GPC5: variants seen among roughly 807,000 people sequenced by gnomAD.
GPC5 encodes the protein glypican-5.
A neutral mutation model predicts 53.9 loss-of-function variants in GPC5; 47 were observed. That is an observed-to-expected ratio of 0.87 (90% confidence interval 0.69 to 1.11). GPC5 has a LOEUF of 1.11. GPC5 is among the 50% of genes most tolerant of loss of function. The pLI is 0.00. For missense variants in GPC5, 748 were observed against 713.1 expected (o/e 1.05, Z -0.56); for synonymous variants, 286 against 263.3 (o/e 1.09, Z -0.84).
chr13:92,100,944 A>C (rs1485776755), intron 6 of GPC5, among the ~76,000 whole-genome samples: 1 of 152,218 alleles, frequency 6.6e-6, no homozygotes. Context: ...CAAAATGCAA[A>C]GTGAATGTTA....
At chr13:92,774,028 A>G (rs947697740) in intron 7 of GPC5, among the ~76,000 whole-genome samples, 4 of 152,312 alleles carry the variant, frequency 2.6e-5, no homozygotes, top group Admixed American at 6.5e-5. Flanking sequence ...CTATCACAAG[A>G]ACAGCACAAG....
At chr13:92,303,629 A>C (rs34037601) in intron 7 of GPC5, among the ~76,000 whole-genome samples, 1,541 of 152,306 alleles carry the variant, frequency 0.01, 27 homozygotes, top group Middle Eastern at 0.048. Flanking sequence ...GCTATCAAGG[A>C]TTCAGTACTG....
chr13:91,866,927 G>C (rs1003643699), intron 5 of GPC5, among the ~76,000 whole-genome samples: 7 of 152,064 alleles, frequency 4.6e-5, no homozygotes, highest in African/African-American at 1.7e-4. Flanking sequence ...ATCATCATTG[G>C]CTGGATGTGG....
At chr13:92,468,977 T>C (rs891182957) in intron 7 of GPC5, among the ~76,000 whole-genome samples, 8 of 152,170 alleles carry the variant, frequency 5.3e-5, no homozygotes, top group Non-Finnish European at 7.3e-5. Flanking sequence ...CATGGCGTCC[T>C]ATTCCTATCG....
intron 4 of GPC5, among the ~76,000 whole-genome samples, chr13:91,737,696 G>A (rs983670889): frequency 6.6e-6 from 1 of 151,340 alleles, no homozygotes; most frequent in African/African-American, 2.5e-5. Context: ...TTAAAATTAT[G>A]TTAGAGATAT....
chr13:92,729,328 C>A (rs1888736012), intron 7 of GPC5, among the ~76,000 whole-genome samples: 1 of 151,322 alleles, frequency 6.6e-6, no homozygotes, highest in African/African-American at 2.4e-5. Flanking sequence ...TAGCCACTAA[C>A]TACATATGTC....
intron 7 of GPC5, among the ~76,000 whole-genome samples, chr13:92,249,385 T>A (rs924285887): frequency 6.6e-6 from 1 of 151,850 alleles, no homozygotes; most frequent in Non-Finnish European, 1.5e-5. Context: ...ATAAAAGGAG[T>A]GTGAGTAACA....
intron 7 of GPC5, among the ~76,000 whole-genome samples, chr13:92,315,204 ATTCTCTCTGGGAAG>A (rs1383422622): frequency 1.3e-5 from 2 of 152,182 alleles, no homozygotes; most frequent in Non-Finnish European, 2.9e-5. Context: ...GGAAGTGGAA[ATTCTCTCTGGGAAG>A]TTCTGGAATA....
intron 7 of GPC5, among the ~76,000 whole-genome samples, chr13:92,800,335 T>A (rs550009948): frequency 2.0e-5 from 3 of 151,858 alleles, no homozygotes; most frequent in African/African-American, 7.2e-5. Flanking sequence ...ATGAAGGTCA[T>A]TTTACAAGAA....
chr13:92,028,347 T>C (rs1246463308), intron 6 of GPC5, among the ~76,000 whole-genome samples: 1 of 152,114 alleles, frequency 6.6e-6, no homozygotes, highest in African/African-American at 2.4e-5. Flanking sequence ...ATATGGAGCT[T>C]AGTAATTGGA....
Position 92,516,873 on chromosome 13 carries a change from G to A in GPC5, c.1562-349409G>A, listed in dbSNP as rs137990991. Among the ~76,000 whole-genome samples, 605 of 152,208 alleles carry A rather than the reference G, an allele frequency of 4.0e-3. 7 individuals carry two copies. The highest frequency in any genetic ancestry group is 0.014 in the African/African-American group (589 of 41,560). On this transcript the variant is annotated intron_variant, in intron 7 of 7. Coordinates refer to ENST00000377067, the MANE Select transcript of GPC5 (RefSeq NM_004466.6). ...GCCCACTGAGTGTGAGCCGAAGCAG[G>A]GTGAGGCATCACTTCACCTGGGAAG...
At chr13:92,545,090 C>T (rs1882060541) in intron 7 of GPC5, among the ~76,000 whole-genome samples, 1 of 151,884 alleles carries the variant, frequency 6.6e-6, no homozygotes, top group Non-Finnish European at 1.5e-5. Flanking sequence ...CCACAACAGG[C>T]CCCGGTGTGT....
chr13:92,722,395 G>GC (rs909533743), intron 7 of GPC5, among the ~76,000 whole-genome samples: 21 of 151,802 alleles, frequency 1.4e-4, no homozygotes, highest in Non-Finnish European at 2.5e-4. Flanking sequence ...TCAGTCATGA[G>GC]CCCCTTGGTA....
chr13:91,688,839 T>A (rs1424919111), intron 2 of GPC5, among the ~76,000 whole-genome samples: 1 of 151,984 alleles, frequency 6.6e-6, no homozygotes, highest in East Asian at 1.9e-4. Context: ...GGTAAATCTT[T>A]GTGTATCTAA....
intron 6 of GPC5, among the ~76,000 whole-genome samples, chr13:92,058,537 T>C (rs1001185578): frequency 2.0e-5 from 3 of 152,176 alleles, no homozygotes; most frequent in African/African-American, 7.2e-5. Context: ...TCAAAGTCTG[T>C]AGTTTACATT....
intron 7 of GPC5, among the ~76,000 whole-genome samples, chr13:92,715,252 T>C (rs1176972302): frequency 1.3e-5 from 2 of 152,182 alleles, no homozygotes; most frequent in Admixed American, 6.5e-5. Context: ...TGAGAGTGTG[T>C]GCATGTTTCT....
chr13:92,780,863 T>A (rs1040202605), intron 7 of GPC5, among the ~76,000 whole-genome samples: 1 of 152,082 alleles, frequency 6.6e-6, no homozygotes, highest in Non-Finnish European at 1.5e-5. Flanking sequence ...AATTTTTTAA[T>A]TGGAAGCATA....
chr13:91,406,224 A>G (rs1877313712), intron 1 of GPC5, among the ~76,000 whole-genome samples: 1 of 152,214 alleles, frequency 6.6e-6, no homozygotes, highest in South Asian at 2.1e-4. Flanking sequence ...ATGATTGTTG[A>G]ATAATTTAAT....
At chr13:91,859,444 A>C (rs2039002332) in intron 5 of GPC5, among the ~76,000 whole-genome samples, 1 of 152,046 alleles carries the variant, frequency 6.6e-6, no homozygotes, top group Non-Finnish European at 1.5e-5. Context: ...ATAGGCCAAT[A>C]GATTAGAAAA....
Sources: gnomAD v4.1 joint callset for allele counts (sites outside exome capture counted in the v4.1 genomes callset) on GRCh38, gnomAD v4.1.1 for gene constraint, MANE v1.5 for transcripts, NCBI Gene and HGNC (gene_info 2026-07-23, HGNC 2026-07-21) for gene names.